The following CHL1 variants were observed in gnomAD, a reference collection of about 807,000 sequenced individuals.
CHL1 encodes neural cell adhesion molecule L1-like protein.
Under a neutral mutation model 141.9 loss-of-function variants are expected in CHL1, and 96 were observed. The ratio of observed to expected loss-of-function variants is 0.68; its 90% CI spans 0.57 to 0.80. The LOEUF (loss-of-function observed/expected upper bound fraction) is 0.80, where lower values mean the gene tolerates loss of function less well. Among genes scored for constraint, CHL1 ranks in the 30% least tolerant of loss-of-function variants. CHL1 has a pLI of 0.00. For synonymous variants in CHL1, 613 were observed against 502.2 expected, an observed-to-expected ratio of 1.22 and a Z score of -2.95; for missense variants, 1,820 against 1,457.2, an observed-to-expected ratio of 1.25 and a Z score of -4.05.
chr3:214,519 T>G (rs1700149763), intron 1 of CHL1, among the ~76,000 whole-genome samples: 1 of 152,220 alleles, frequency 6.6e-6, no homozygotes, highest in Non-Finnish European at 1.5e-5. Flanking sequence ...TATTTTCTTA[T>G]TGGCCATGGA....
At chr3:245,521 G>T (rs1159674222) in intron 2 of CHL1, among the ~76,000 whole-genome samples, 1 of 152,036 alleles carries the variant, frequency 6.6e-6, no homozygotes, top group Non-Finnish European at 1.5e-5. Context: ...ATAATTGGAG[G>T]AAAAACAAAA....
At chr3:294,684 G>C (rs1698019997) in intron 2 of CHL1, among the ~76,000 whole-genome samples, 1 of 106,154 alleles carries the variant, frequency 9.4e-6, no homozygotes, top group South Asian at 3.8e-4. Flanking sequence ...TAACAGTACA[G>C]GCATGCCCAT....
At position 342,080 on chromosome 3, in the gene CHL1, G is replaced by A. The variant is rs185511108; in HGVS notation, c.677G>A (p.Ser226Asn). The change falls in exon 7 of 28, where the codon AGT becomes AAT. Residue 226 changes from serine to asparagine, a missense_variant and splice_region_variant. Ser to Asn is a conservative substitution (Grantham distance 46). Transcript: ENST00000256509. Reference protein sequence around the residue: ...QKMPMKLTVNSLKHANDSSSS... With the variant: ...QKMPMKLTVNNLKHANDSSSS... ...ATGCCAATGAAACTAACAGTTAACA[G>A]TTGTAAGTCCACATAATTTATCGTT... 6.2e-7 allele frequency: 1 copy of A among 1,604,452 alleles called. No individual in the cohort carries two copies. Among genetic ancestry groups the A allele is most frequent in the African/African-American group, 1.3e-5 (1 of 74,850 alleles).
chr3:334,986 T>C (rs1701754466), intron 5 of CHL1, among the ~76,000 whole-genome samples: 1 of 152,248 alleles, frequency 6.6e-6, no homozygotes, highest in Admixed American at 6.5e-5. Flanking sequence ...GCTATTAAAA[T>C]AGTCTACGAA....
chr3:374,550 A>G (rs1393304619), intron 15 of CHL1, among the ~76,000 whole-genome samples: 1 of 152,154 alleles, frequency 6.6e-6, no homozygotes, highest in Non-Finnish European at 1.5e-5. Context: ...ACCCAGTTTT[A>G]CAGTTCCTGC....
chr3:264,327 C>T (rs552009272), intron 2 of CHL1, among the ~76,000 whole-genome samples: 1 of 152,202 alleles, frequency 6.6e-6, no homozygotes, highest in African/African-American at 2.4e-5. Context: ...TTTATAGATC[C>T]TCTATTCTGT....
At chr3:269,618 T>C (rs915783857) in intron 2 of CHL1, among the ~76,000 whole-genome samples, 2 of 152,130 alleles carry the variant, frequency 1.3e-5, no homozygotes, top group East Asian at 1.9e-4. Context: ...CTCTGCCTCC[T>C]GGGTTCAAGC....
At chr3:326,765 C>T (rs1357216302) in intron 4 of CHL1, among the ~76,000 whole-genome samples, 5 of 151,600 alleles carry the variant, frequency 3.3e-5, no homozygotes, top group Non-Finnish European at 7.4e-5. Flanking sequence ...GAAAGCAAAG[C>T]TACATACTTT....
At chr3:328,760 A>C (rs1701211540) in intron 5 of CHL1, among the ~76,000 whole-genome samples, 1 of 152,148 alleles carries the variant, frequency 6.6e-6, no homozygotes, top group African/African-American at 2.4e-5. Flanking sequence ...CTTCTTGCTG[A>C]TCACAGCTAA....
intron 5 of CHL1, among the ~76,000 whole-genome samples, chr3:331,659 C>A (rs1015415684): frequency 2.6e-5 from 4 of 151,860 alleles, no homozygotes; most frequent in South Asian, 2.1e-4. Flanking sequence ...AAAGTACAAA[C>A]AAAAATAAGC....
chr3:229,612 CTT>C (rs1701681935), intron 1 of CHL1, among the ~76,000 whole-genome samples: 1 of 152,062 alleles, frequency 6.6e-6, no homozygotes, highest in Admixed American at 6.6e-5. Flanking sequence ...AGGAAGGAAA[CTT>C]TTGTTTGAAT....
chr3:217,711 G>A (rs1247482741), intron 1 of CHL1: 2 of 152,280 alleles, frequency 1.3e-5, no homozygotes, highest in East Asian at 3.8e-4. Context: ...GTGAGCTTAG[G>A]GCAGATCACA....
At chr3:261,057 T>C (rs1292609740) in intron 2 of CHL1, among the ~76,000 whole-genome samples, 1 of 152,186 alleles carries the variant, frequency 6.6e-6, no homozygotes, top group African/African-American at 2.4e-5. Flanking sequence ...TTAAACCTTA[T>C]AATAACATCA....
intron 1 of CHL1, among the ~76,000 whole-genome samples, chr3:211,684 C>A (rs138334912): frequency 6.6e-6 from 1 of 152,120 alleles, no homozygotes; most frequent in Non-Finnish European, 1.5e-5. Flanking sequence ...TGCCAAAAAG[C>A]ACTTATAAAG....
chr3:392,468 G>C (rs575041367), intron 23 of CHL1, among the ~76,000 whole-genome samples: 1 of 152,348 alleles, frequency 6.6e-6, no homozygotes, highest in East Asian at 1.9e-4. Context: ...AGAGTAACGT[G>C]AATGTGTTTA....
At chr3:344,309 CTGTT>C (rs1305912129) in intron 8 of CHL1, among the ~76,000 whole-genome samples, 1 of 152,112 alleles carries the variant, frequency 6.6e-6, no homozygotes, top group Non-Finnish European at 1.5e-5. Context: ...TTAAGGACTT[CTGTT>C]TGACCTTCTG....
intron 23 of CHL1, among the ~76,000 whole-genome samples, chr3:392,575 A>G (rs1708315561): frequency 1.3e-5 from 2 of 152,242 alleles, no homozygotes; most frequent in South Asian, 4.1e-4. Flanking sequence ...GATTGACATT[A>G]TAGAAAATTT....
At chr3:279,167 G>A (rs370358749) in intron 2 of CHL1, among the ~76,000 whole-genome samples, 1 of 152,172 alleles carries the variant, frequency 6.6e-6, no homozygotes, top group Non-Finnish European at 1.5e-5. Context: ...TAAAGACAAA[G>A]AATATAGTCC....
intron 2 of CHL1, among the ~76,000 whole-genome samples, chr3:288,399 G>T (rs1003265665): frequency 6.6e-6 from 1 of 151,794 alleles, no homozygotes; most frequent in Non-Finnish European, 1.5e-5. Flanking sequence ...ATATCCAGAA[G>T]GTAATTAGCA....
Sources: allele counts gnomAD v4.1 joint callset (sites outside exome capture counted in the v4.1 genomes callset), GRCh38; gene constraint gnomAD v4.1.1; transcripts MANE v1.5; gene names NCBI Gene and HGNC (gene_info 2026-07-23, HGNC 2026-07-21).